Variants in SMG1 observed in about 807,000 individuals in gnomAD.
SMG1 encodes the protein SMG1 nonsense mediated mRNA decay associated PI3K related kinase.
SMG1 carries 22 observed loss-of-function variants against 419.9 expected under a neutral mutation model. That is an observed-to-expected ratio of 0.05 (90% CI 0.04 to 0.07). SMG1 has a LOEUF of 0.07. Ranked by LOEUF, SMG1 falls within the 10% of genes least tolerant of loss-of-function variation. SMG1 has a pLI of 1.00. For synonymous variants in SMG1, 1,538 were observed against 1,553.5 expected, an observed-to-expected ratio of 0.99 and a Z score of 0.23; for missense variants, 3,185 against 4,342.0, an observed-to-expected ratio of 0.73 and a Z score of 7.49.
chr16:18,816,234 T>C, intron 58 of SMG1, 68 bp downstream of exon 58: 1 of 1,215,222 alleles, frequency 8.2e-7, no homozygotes, highest in Non-Finnish European at 1.1e-6. Flanking sequence ...GTTTTTCCTA[T>C]AAATAAAACT....
At chr16:18,876,424 A>G in intron 12 of SMG1, 31 bp from the exon 13 acceptor site, 1 of 1,553,558 alleles carries the variant, frequency 6.4e-7, no homozygotes, top group South Asian at 1.2e-5. Context: ...GGAAGTGATA[A>G]ATGGAAAATA....
In SMG1 at chr16:18,839,913, C is replaced by T. The variant is rs1332563278; in HGVS notation, c.6730G>A (p.Gly2244Arg). Residue 2244 changes from glycine (G) to arginine (R), a missense_variant, in exon 42 of 63, where the codon GGA becomes AGA. Physicochemically the swap from Gly to Arg is moderately radical, Grantham distance 125 (BLOSUM62 -2). This residue lies in a region of SMG1 where 132 missense variants were observed against 151.0 expected (regional missense o/e 0.87). Coordinates refer to ENST00000446231, the MANE Select transcript of SMG1 (RefSeq NM_015092.5). ...QDSYQTPQNPGIVPRPSELYY... is the reference protein window; with the variant it reads ...QDSYQTPQNPRIVPRPSELYY... ...AGTTCACTAGGACGGGGTACAATTCCAGGATTCTGAGGAGTTTGGTAGGAA... is the reference window on the plus strand; with the variant it reads ...AGTTCACTAGGACGGGGTACAATTCTAGGATTCTGAGGAGTTTGGTAGGAA... The T allele has an allele frequency of 1.2e-6, 2 of 1,603,392 alleles. No homozygotes were observed. Among genetic ancestry groups the T allele is most frequent in the South Asian group, 1.1e-5 (1 of 89,742 alleles).
chr16:18,863,602 T>C, intron 25 of SMG1, 48 bp downstream of exon 25: 7 of 1,509,640 alleles, frequency 4.6e-6, no homozygotes, highest in Non-Finnish European at 6.4e-6. Context: ...AGGAAAAACA[T>C]CATAGTTATT....
intron 1 of SMG1, among the ~76,000 whole-genome samples, chr16:18,919,983 C>T: frequency 6.6e-6 from 1 of 151,256 alleles, no homozygotes. Context: ...CCCAGCTACT[C>T]GGGAGGCTGA....
At chr16:18,921,103 A>G (rs1345184226) in intron 1 of SMG1, among the ~76,000 whole-genome samples, 1 of 150,362 alleles carries the variant, frequency 6.7e-6, no homozygotes, top group Non-Finnish European at 1.5e-5. Flanking sequence ...GTGCCACTAT[A>G]CTCCAGCCTG....
At chr16:18,847,727 C>A (rs1054017842) in intron 37 of SMG1, 89 bp downstream of exon 37, 30 of 1,568,516 alleles carry the variant, frequency 1.9e-5, no homozygotes, top group African/African-American at 2.7e-5. Context: ...ATTGGAGAAC[C>A]CTGACCAGTG....
At chr16:18,890,777 G>C (rs1327131092) in intron 5 of SMG1, 86 bp downstream of exon 5, 6 of 711,810 alleles carry the variant, frequency 8.4e-6, no homozygotes, top group African/African-American at 1.8e-5. Flanking sequence ...AACAAAGCCA[G>C]TGGGTTTGTC....
rs1342328929 is a variant in SMG1 at position 18,809,554 on chromosome 16, C to A, written c.*15G>T. The A allele has an allele frequency of 1.2e-6, 2 of 1,602,350 alleles. No homozygotes were observed. The highest frequency in any genetic ancestry group is 1.7e-6 in the Non-Finnish European group (2 of 1,172,068). On this transcript the variant is annotated 3_prime_UTR_variant, in exon 63 of 63. Coordinates refer to ENST00000446231, the MANE Select transcript of SMG1 (RefSeq NM_015092.5). ...TCTGACCTCGCTTAACCAGACTCATCTACTGTCTTGCCATTCACACCCAGG... is the reference window on the plus strand; with the variant it reads ...TCTGACCTCGCTTAACCAGACTCATATACTGTCTTGCCATTCACACCCAGG...
intron 1 of SMG1, among the ~76,000 whole-genome samples, chr16:18,908,282 C>T (rs1439632075): frequency 6.7e-6 from 1 of 148,400 alleles, no homozygotes; most frequent in East Asian, 2.0e-4. Flanking sequence ...GCAGGAGAAT[C>T]GCTTACCCAG....
At chr16:18,845,334 T>C in intron 39 of SMG1, 95 bp downstream of exon 39, 1 of 1,066,912 alleles carries the variant, frequency 9.4e-7, no homozygotes, top group African/African-American at 1.6e-5. Context: ...ATAAAATCTC[T>C]TACATTCCAA....
chr16:18,909,137 G>A (rs2037696102), intron 1 of SMG1, among the ~76,000 whole-genome samples: 1 of 151,620 alleles, frequency 6.6e-6, no homozygotes, highest in African/African-American at 2.4e-5. Flanking sequence ...GACATCAAGA[G>A]TTCAAGACCA....
chr16:18,836,576 T>C, intron 46 of SMG1, 44 bp from the exon 47 acceptor site: 2 of 1,597,870 alleles, frequency 1.3e-6, no homozygotes, highest in Non-Finnish European at 1.7e-6. Flanking sequence ...TTATTGCTGT[T>C]TTCTTCCACA....
intron 6 of SMG1, among the ~76,000 whole-genome samples, chr16:18,887,632 G>A: frequency 7.9e-6 from 1 of 127,000 alleles, no homozygotes; most frequent in Non-Finnish European, 1.6e-5. Context: ...GGGGTTACAG[G>A]AGTGAGCCAC....
intron 3 of SMG1, among the ~76,000 whole-genome samples, chr16:18,895,092 C>CA (rs2037062173): frequency 6.6e-6 from 1 of 152,058 alleles, no homozygotes; most frequent in South Asian, 2.1e-4. Flanking sequence ...GCTGGGATTA[C>CA]AGGCAGGAGC....
intron 1 of SMG1, among the ~76,000 whole-genome samples, chr16:18,902,717 A>C (rs1596632474): frequency 1.3e-5 from 2 of 151,910 alleles, no homozygotes; most frequent in Admixed American, 1.3e-4. Flanking sequence ...AAAAAAAAAA[A>C]AAGAGTGGTC....
In SMG1 at chr16:18,882,207, G is replaced by A. The variant is rs752465822; in HGVS notation, c.1251C>T (p.Ser417=). ...TVVRSIGERF[S]PIRGPPITEA... ...CAGTAATTGGAGGACCCCGAATTGG[G>A]CTGAAGCGTTCCCCAATGCTCCTCA... Residue 417 remains serine, a synonymous_variant, in exon 10 of 63, where the codon AGC becomes AGT. Transcript: ENST00000446231. 3 of 1,599,444 alleles carry A rather than the reference G, an allele frequency of 1.9e-6. No individual in the cohort carries two copies. Among genetic ancestry groups the A allele is most frequent in the Admixed American group, 3.5e-5 (2 of 57,878 alleles).
At chr16:18,880,721 A>AAGGGGGG (rs760136125) in intron 10 of SMG1, among the ~76,000 whole-genome samples, 1 of 63,920 alleles carries the variant, frequency 1.6e-5, no homozygotes, top group African/African-American at 6.3e-5. Flanking sequence ...CAAAAAAAAA[A>AAGGGGGG]GGGGGGGGGC....
At chr16:18,894,922 A>T (rs1444180735) in intron 3 of SMG1, among the ~76,000 whole-genome samples, 2 of 152,066 alleles carry the variant, frequency 1.3e-5, no homozygotes, top group Non-Finnish European at 2.9e-5. Context: ...GGTTCACGCC[A>T]GTCTCCTGCC....
chr16:18,862,993 G>C (rs1212459293), intron 25 of SMG1, among the ~76,000 whole-genome samples: 1 of 152,198 alleles, frequency 6.6e-6, no homozygotes, highest in African/African-American at 2.4e-5. Context: ...AGGTGAGTGA[G>C]GTTCAATTAA....
Sources: gnomAD v4.1 joint callset for allele counts (sites outside exome capture counted in the v4.1 genomes callset) on GRCh38, gnomAD v4.1.1 for gene constraint, gnomAD v4.1.1 regional missense constraint, MANE v1.5 for transcripts, NCBI Gene and HGNC (gene_info 2026-07-23, HGNC 2026-07-21) for gene names.